Variants in HECW1 observed in about 807,000 individuals in gnomAD.
The protein encoded by HECW1 is E3 ubiquitin-protein ligase HECW1.
A neutral mutation model predicts 182.3 loss-of-function variants in HECW1; 61 were observed. The observed-to-expected ratio is 0.33, with a 90% CI of 0.27 to 0.41. The LOEUF (loss-of-function observed/expected upper bound fraction) is 0.41. HECW1 is among the 10% of genes least tolerant of loss of function. HECW1 has a pLI of 1.00. For synonymous variants in HECW1, 859 were observed against 832.6 expected (o/e 1.03, Z -0.55); for missense variants, 1,739 against 2,108.9 (o/e 0.82, Z 3.44).
intron 6 of HECW1, among the ~76,000 whole-genome samples, chr7:43,364,538 C>G (rs1816379058): frequency 6.6e-6 from 1 of 152,244 alleles, no homozygotes; most frequent in South Asian, 2.1e-4. Context: ...GACCAGGCAC[C>G]TGCAGCAGCT....
At chr7:43,133,637 C>T (rs111584624) in intron 2 of HECW1, among the ~76,000 whole-genome samples, 135 of 151,810 alleles carry the variant, frequency 8.9e-4, no homozygotes, top group African/African-American at 3.0e-3. Context: ...CTGTTCCTTC[C>T]TTACTCTGTC....
At chr7:43,263,625 C>T (rs539495941) in intron 3 of HECW1, among the ~76,000 whole-genome samples, 7 of 152,218 alleles carry the variant, frequency 4.6e-5, no homozygotes, top group Non-Finnish European at 5.9e-5. Context: ...TCCCAAAGTG[C>T]TGGGATTACA....
At position 43,180,082 on chromosome 7, in the gene HECW1, C is replaced by T. The variant is rs1583843477; in HGVS notation, c.-31-63793C>T. Among the ~76,000 whole-genome samples the T allele has an allele frequency of 5.3e-5, 8 of 152,326 alleles. No individual in the cohort carries two copies. The South Asian group carries it at 1.7e-3, about 32-fold the overall frequency. On this transcript the variant is annotated intron_variant, in intron 2 of 29. Transcript: ENST00000395891. Reference sequence around the variant, plus strand: ...TGCACTTGCCAGTTTACGTTATCTGCCCTTAGCAGAGTTGGTAACATTCCC... The same window carrying T: ...TGCACTTGCCAGTTTACGTTATCTGTCCTTAGCAGAGTTGGTAACATTCCC...
At chr7:43,317,457 G>C (rs1294063070) in intron 4 of HECW1, among the ~76,000 whole-genome samples, 1 of 152,246 alleles carries the variant, frequency 6.6e-6, no homozygotes, top group Non-Finnish European at 1.5e-5. Flanking sequence ...CCTGATTCCA[G>C]AGGCCCTGCC....
chr7:43,506,926 C>T (rs528482414), intron 21 of HECW1, among the ~76,000 whole-genome samples: 8 of 152,006 alleles, frequency 5.3e-5, no homozygotes, highest in Non-Finnish European at 1.0e-4. Flanking sequence ...AAAAATCAGC[C>T]AGGTATGGTG....
At chr7:43,223,619 C>CA (rs201184322) in intron 2 of HECW1, among the ~76,000 whole-genome samples, 2,570 of 142,460 alleles carry the variant, frequency 0.018, 59 homozygotes, top group East Asian at 0.11. Flanking sequence ...AACTCCGTCT[C>CA]AAAAAAAAAA....
In HECW1 at chr7:43,463,766, G is replaced by A. The variant is rs937673232; in HGVS notation, c.2758G>A (p.Asp920Asn). The change falls in exon 14 of 30, where the codon GAC becomes AAC. Residue 920 changes from aspartate to asparagine, a missense_variant. Physicochemically the swap from Asp to Asn is conservative, Grantham distance 23 (BLOSUM62 1). Coordinates refer to ENST00000395891, the MANE Select transcript of HECW1 (RefSeq NM_015052.5). Reference protein sequence around the residue: ...PAGGGGGGGSDSEAESSQSSL... With the variant: ...PAGGGGGGGSNSEAESSQSSL... ...AGGAGGAGGCGGAGGTGGAGGGAGT[G>A]ACTCAGAAGCCGAATCTTCCCAGTC... The A allele has an allele frequency of 6.2e-7, 1 of 1,613,902 alleles. No individual in the cohort carries two copies. Among genetic ancestry groups the A allele is most frequent in the African/African-American group, 1.3e-5 (1 of 74,912 alleles).
chr7:43,180,773 A>G (rs1792772442), intron 2 of HECW1, among the ~76,000 whole-genome samples: 1 of 152,242 alleles, frequency 6.6e-6, no homozygotes, highest in Admixed American at 6.5e-5. Context: ...GTACATGTGC[A>G]CATTGTTTAA....
At chr7:43,336,144 T>TTCTCTC (rs768468130) in intron 5 of HECW1, among the ~76,000 whole-genome samples, 18 of 51,980 alleles carry the variant, frequency 3.5e-4, no homozygotes, top group South Asian at 8.3e-4. Context: ...CTCTCTCTCT[T>TTCTCTC]TCTCTCTCTC....
intron 17 of HECW1, among the ~76,000 whole-genome samples, chr7:43,480,696 TACAC>T (rs202003443): frequency 3.0e-5 from 4 of 135,280 alleles, no homozygotes; most frequent in Non-Finnish European, 6.7e-5. Context: ...TATATATATA[TACAC>T]ACACACACAC....
intron 3 of HECW1, among the ~76,000 whole-genome samples, chr7:43,290,284 G>A (rs1279469499): frequency 6.6e-6 from 1 of 152,196 alleles, no homozygotes; most frequent in South Asian, 2.1e-4. Flanking sequence ...TATCTGTCAT[G>A]TGATGTTATA....
rs547611966 is a variant in HECW1 at position 43,232,879 on chromosome 7, C to A, written c.-31-10996C>A. Among the ~76,000 whole-genome samples the A allele has an allele frequency of 2.0e-5, 3 of 152,304 alleles. No individual in the cohort carries two copies. In the East Asian group the frequency reaches 5.8e-4, roughly 29 times the overall value. On this transcript the variant is annotated intron_variant, in intron 2 of 29. Coordinates refer to ENST00000395891, the MANE Select transcript of HECW1 (RefSeq NM_015052.5). Reference sequence around the variant, plus strand: ...TCGTCCTTTAACCCATGTGCCTTTGCTCAGAAATCATTAACACCAAAAACA... The same window carrying A: ...TCGTCCTTTAACCCATGTGCCTTTGATCAGAAATCATTAACACCAAAAACA...
chr7:43,480,543 A>G (rs965363662), intron 17 of HECW1, among the ~76,000 whole-genome samples: 1 of 152,064 alleles, frequency 6.6e-6, no homozygotes, highest in Non-Finnish European at 1.5e-5. Context: ...TTGGATTATC[A>G]TAAGGTTAAA....
In HECW1 at chr7:43,183,793, C is replaced by A. The variant is rs570084954; in HGVS notation, c.-31-60082C>A. On this transcript the variant is annotated intron_variant, in intron 2 of 29. Transcript: ENST00000395891. ...GACATATGTTGGAACTTCACTTATT[C>A]TTCTGGAATGTGAGTAACTATTTTG... is the stretch of plus-strand genomic sequence containing the variant. Among the ~76,000 whole-genome samples, 88 of 143,022 alleles carry A rather than the reference C, an allele frequency of 6.2e-4. 1 individual carries two copies. In the South Asian group the frequency reaches 0.016, roughly 26 times the overall value. The allele number at this position is 143,022 out of a possible 152,430, so 93.8% of individuals were successfully genotyped here.
chr7:43,128,160 G>A (rs560922896), intron 2 of HECW1, among the ~76,000 whole-genome samples: 109 of 152,284 alleles, frequency 7.2e-4, no homozygotes, highest in African/African-American at 2.5e-3. Context: ...GATTACAGGC[G>A]TGAGCCACCG....
At chr7:43,498,109 G>A (rs996081601) in intron 19 of HECW1, among the ~76,000 whole-genome samples, 10 of 152,318 alleles carry the variant, frequency 6.6e-5, no homozygotes, top group Middle Eastern at 3.4e-3. Context: ...AGGGGCATCT[G>A]GAGGTCCCTT....
chr7:43,122,123 G>GGTTAA, intron 2 of HECW1: 1 of 152,204 alleles, frequency 6.6e-6, no homozygotes, highest in Non-Finnish European at 1.5e-5. Context: ...GTAACCATTT[G>GGTTAA]AAGAATGAAT....
At position 43,392,295 on chromosome 7, in the gene HECW1, T is replaced by C. The variant is rs570379447; in HGVS notation, c.556-4519T>C. Among the ~76,000 whole-genome samples the C allele has an allele frequency of 5.4e-4, 83 of 152,294 alleles. No individual in the cohort carries two copies. In the Middle Eastern group the frequency reaches 0.02, roughly 37 times the overall value. ...AATTATTTGAGAATAATCGTGGGTA[T>C]GTAAATGGAGTTATCACATCAGAAT... On this transcript the variant is annotated intron_variant, in intron 6 of 29. Coordinates refer to ENST00000395891, the MANE Select transcript of HECW1 (RefSeq NM_015052.5).
chr7:43,457,339 T>A (rs536309853), intron 13 of HECW1, among the ~76,000 whole-genome samples: 1 of 152,118 alleles, frequency 6.6e-6, no homozygotes, highest in East Asian at 1.9e-4. Context: ...ATGAAAAGTA[T>A]GAAGGTGAAG....
Sources: gnomAD v4.1 joint callset for allele counts (sites outside exome capture counted in the v4.1 genomes callset) on GRCh38, gnomAD v4.1.1 for gene constraint, MANE v1.5 for transcripts, NCBI Gene and HGNC (gene_info 2026-07-23, HGNC 2026-07-21) for gene names.